The following KALRN variants were observed in gnomAD, a reference collection of about 807,000 sequenced individuals.
The protein encoded by KALRN is kalirin RhoGEF kinase, also known as kalirin.
Under a neutral mutation model 353.7 loss-of-function variants are expected in KALRN, and 70 were observed. The ratio of observed to expected loss-of-function variants is 0.20; its 90% confidence interval spans 0.16 to 0.24. The LOEUF (loss-of-function observed/expected upper bound fraction) is 0.24, where lower values mean the gene tolerates loss of function less well. KALRN is among the 10% of genes least tolerant of loss of function. The probability of loss-of-function intolerance (pLI) is 1.00; values close to 1 mark genes in which losing one functional copy is unlikely to be tolerated. For missense variants in KALRN, 2,791 were observed against 3,756.7 expected (o/e 0.74, Z 6.72); for synonymous variants, 1,391 against 1,434.8 (o/e 0.97, Z 0.69).
intron 5 of KALRN, among the ~76,000 whole-genome samples, chr3:124,293,449 A>G (rs1008663901): frequency 6.6e-6 from 1 of 152,168 alleles, no homozygotes; most frequent in Non-Finnish European, 1.5e-5. Context: ...CAATAATAAC[A>G]TTTTAGCTAT....
intron 5 of KALRN, among the ~76,000 whole-genome samples, chr3:124,278,027 T>TGTGTGTGTGG (rs1488944958): frequency 1.4e-4 from 21 of 150,902 alleles, no homozygotes; most frequent in African/African-American, 5.1e-4. Flanking sequence ...TGTGTGTGTG[T>TGTGTGTGTGG]GGTGCAGGGC....
chr3:124,404,968 A>G lies in KALRN; in HGVS notation c.2346+6097A>G, dbSNP rs886749714. ...CCAAATCCACCAACATTGCAACTGT[A>G]TCAAGAAAGAAGCTAAGATCTATTT... is the stretch of plus-strand genomic sequence containing the variant. On this transcript the variant is annotated intron_variant, in intron 13 of 59. Transcript: ENST00000682506. Among the ~76,000 whole-genome samples, 4 of 152,198 alleles carry G rather than the reference A, an allele frequency of 2.6e-5. No homozygotes were observed. The South Asian group carries it at 8.3e-4, about 32-fold the overall frequency.
At chr3:124,255,151 C>T (rs776250540) in intron 3 of KALRN, among the ~76,000 whole-genome samples, 27 of 152,104 alleles carry the variant, frequency 1.8e-4, no homozygotes, top group Non-Finnish European at 2.9e-4. Context: ...ACCATGTTGG[C>T]CAGGCTGGTC....
intron 1 of KALRN, chr3:124,094,733 C>A: frequency 1.1e-6 from 1 of 919,258 alleles, no homozygotes; most frequent in Non-Finnish European, 1.8e-6. Context: ...TTAGAGCAGG[C>A]TGTGTGCGAG....
At chr3:124,472,575 ATGTGTGTGTGTG>A (rs57265173) in intron 25 of KALRN, among the ~76,000 whole-genome samples, 5 of 148,722 alleles carry the variant, frequency 3.4e-5, no homozygotes, top group East Asian at 4.0e-4. Flanking sequence ...GTGTGTGTAT[ATGTGTGTGTGTG>A]TGTGTGTGTG....
chr3:124,445,396 A>G (rs1400849866), intron 19 of KALRN, among the ~76,000 whole-genome samples: 2 of 152,226 alleles, frequency 1.3e-5, no homozygotes, highest in Non-Finnish European at 2.9e-5. Flanking sequence ...TAAGACATCT[A>G]TCCACGTACC....
intron 51 of KALRN, among the ~76,000 whole-genome samples, chr3:124,687,391 T>C (rs1252439163): frequency 6.6e-6 from 1 of 152,162 alleles, no homozygotes; most frequent in Non-Finnish European, 1.5e-5. Context: ...TGGAGACCAG[T>C]GCATACACAG....
At chr3:124,648,229 G>A (rs2150069788) in intron 37 of KALRN, among the ~76,000 whole-genome samples, 1 of 152,350 alleles carries the variant, frequency 6.6e-6, no homozygotes, top group Admixed American at 6.5e-5. Context: ...ATTGTTTTAG[G>A]CAGACTATCT....
At chr3:124,697,059 A>T (rs2062088564) in intron 54 of KALRN, among the ~76,000 whole-genome samples, 1 of 152,178 alleles carries the variant, frequency 6.6e-6, no homozygotes, top group South Asian at 2.1e-4. Flanking sequence ...AGCTAGGACT[A>T]TAGGCATGTG....
At chr3:124,438,114 T>C (rs1366951813) in intron 17 of KALRN, among the ~76,000 whole-genome samples, 1 of 152,192 alleles carries the variant, frequency 6.6e-6, no homozygotes, top group Non-Finnish European at 1.5e-5. Context: ...ATTTTCTGCA[T>C]CCTCCTCCAG....
At chr3:124,537,565 C>T (rs777211826) in intron 33 of KALRN, among the ~76,000 whole-genome samples, 4 of 151,920 alleles carry the variant, frequency 2.6e-5, no homozygotes, top group South Asian at 4.2e-4. Flanking sequence ...GAACTGGCCT[C>T]GAGGATGGAA....
intron 51 of KALRN, among the ~76,000 whole-genome samples, chr3:124,683,958 T>C (rs981634179): frequency 6.6e-6 from 1 of 152,238 alleles, no homozygotes; most frequent in Non-Finnish European, 1.5e-5. Flanking sequence ...TGTTTTGTAG[T>C]AAAATATACA....
chr3:124,121,271 T>G (rs1365891823), intron 1 of KALRN, among the ~76,000 whole-genome samples: 1 of 152,136 alleles, frequency 6.6e-6, no homozygotes, highest in Non-Finnish European at 1.5e-5. Flanking sequence ...ATAGAGGTTT[T>G]GATTGTTTAT....
chr3:124,337,142 C>G (rs922275453), intron 9 of KALRN, among the ~76,000 whole-genome samples: 1 of 152,076 alleles, frequency 6.6e-6, no homozygotes, highest in Admixed American at 6.6e-5. Flanking sequence ...ATTTGAATAC[C>G]CTTTATTTCT....
intron 51 of KALRN, among the ~76,000 whole-genome samples, chr3:124,685,667 A>G (rs2713637): frequency 0.43 from 64,901 of 152,066 alleles, 14,666 homozygotes; most frequent in African/African-American, 0.58. Context: ...ACTTGGCCTC[A>G]CCCACGCCCT....
intron 1 of KALRN, chr3:124,163,321 G>C (rs890324853): frequency 1.3e-5 from 2 of 152,326 alleles, no homozygotes; most frequent in African/African-American, 4.8e-5. Context: ...TGCACAGAGG[G>C]AAGGAGCCAT....
rs556865901 is a variant in KALRN at position 124,411,937 on chromosome 3, C to G, written c.2347-1533C>G. On this transcript the variant is annotated intron_variant, in intron 13 of 59. Transcript: ENST00000682506. ...GGTTTTCCTGCTGAGCTCAGCAGTT[C>G]TCTAAATTGACCTGAAAAGATGTGG... 6.6e-5 allele frequency among the ~76,000 whole-genome samples: 10 copies of G among 152,240 alleles called. No homozygotes were observed. The South Asian group carries it at 2.1e-3, about 32-fold the overall frequency.
intron 13 of KALRN, chr3:124,410,201 C>T (rs1422927977): frequency 1.1e-5 from 6 of 532,692 alleles, no homozygotes; most frequent in Non-Finnish European, 2.3e-5. Flanking sequence ...TCTCTTCTCC[C>T]TCACCAGGAC....
chr3:124,299,780 A>G (rs1205284989), intron 6 of KALRN, among the ~76,000 whole-genome samples: 1 of 152,208 alleles, frequency 6.6e-6, no homozygotes, highest in African/African-American at 2.4e-5. Context: ...TTCACTCCAG[A>G]TGACCACTCT....
Sources: gnomAD v4.1 joint callset for allele counts (sites outside exome capture counted in the v4.1 genomes callset) on GRCh38, gnomAD v4.1.1 for gene constraint, MANE v1.5 for transcripts, NCBI Gene and HGNC (gene_info 2026-07-23, HGNC 2026-07-21) for gene names.